Variants in RBFOX3 observed in about 807,000 individuals in gnomAD.
The protein encoded by RBFOX3 is RNA binding protein fox-1 homolog 3.
In RBFOX3, 17 loss-of-function variants were observed where a neutral mutation model predicts 48.7. The ratio of observed to expected loss-of-function variants is 0.35; its 90% CI spans 0.24 to 0.52. RBFOX3 has a LOEUF of 0.52. Among genes scored for constraint, RBFOX3 ranks in the 20% least tolerant of loss-of-function variants. RBFOX3 has a pLI of 0.94. For missense variants in RBFOX3, 382 were observed against 497.5 expected, an observed-to-expected ratio of 0.77 and a Z score of 2.21; for synonymous variants, 212 against 209.5, an observed-to-expected ratio of 1.01 and a Z score of -0.10.
At chr17:79,108,174 T>C (rs2703553) in intron 5 of RBFOX3, among the ~76,000 whole-genome samples, 2,415 of 152,328 alleles carry the variant, frequency 0.016, 33 homozygotes, top group Middle Eastern at 0.027. Flanking sequence ...GCCATGTGGC[T>C]TCTGGGACAG....
intron 1 of RBFOX3, among the ~76,000 whole-genome samples, chr17:79,501,273 G>A (rs1221565746): frequency 2.0e-5 from 3 of 152,340 alleles, no homozygotes; most frequent in Admixed American, 6.5e-5. Flanking sequence ...AGACAGACAG[G>A]CCCATTCACT....
At chr17:79,152,301 C>T (rs1053659907) in intron 4 of RBFOX3, among the ~76,000 whole-genome samples, 8 of 152,178 alleles carry the variant, frequency 5.3e-5, no homozygotes, top group South Asian at 2.1e-4. Context: ...CCAGCCCATC[C>T]TCAGTGAAGC....
chr17:79,273,613 G>C (rs1428530165), intron 3 of RBFOX3, among the ~76,000 whole-genome samples: 1 of 152,098 alleles, frequency 6.6e-6, no homozygotes, highest in African/African-American at 2.4e-5. Flanking sequence ...CTAGTCCTGG[G>C]GGGCAGCGTG....
Position 79,356,348 on chromosome 17 carries a change from GTTTTTTT to G in RBFOX3, c.-174-48531_-174-48525del, listed in dbSNP as rs58040659. ...ACTTTTTCACTTTTAAAACAGGGAA[GTTTTTTT>G]TTTTTTTTTTTTTTTTTTTTTTTTT... On this transcript the variant is annotated intron_variant, in intron 2 of 14. Coordinates refer to ENST00000693108, the MANE Select transcript of RBFOX3 (RefSeq NM_001350451.2). Among the ~76,000 whole-genome samples the G allele has an allele frequency of 8.8e-3, 414 of 47,306 alleles. 50 individuals carry two copies. Among genetic ancestry groups the G allele is most frequent in the African/African-American group, 0.031 (383 of 12,492 alleles). 31.0% of individuals were successfully genotyped at this position (47,306 alleles called of 152,430 possible). A position where few individuals can be genotyped will look rare whatever the true frequency, so the allele number is the denominator to read the frequency against.
At chr17:79,114,821 T>TG (rs1197778617) in intron 5 of RBFOX3, among the ~76,000 whole-genome samples, 2 of 149,266 alleles carry the variant, frequency 1.3e-5, no homozygotes, top group Non-Finnish European at 1.5e-5. Flanking sequence ...GCTGGGGCTC[T>TG]GGGGGGTGGG....
At chr17:79,526,849 T>C (rs1028391326) in intron 1 of RBFOX3, among the ~76,000 whole-genome samples, 36 of 152,198 alleles carry the variant, frequency 2.4e-4, no homozygotes, top group Non-Finnish European at 4.0e-4. Flanking sequence ...ACTGAGTGTA[T>C]GAGAGGGTTT....
the RBFOX3 span, among the ~76,000 whole-genome samples, chr17:79,634,212 C>G: frequency 6.6e-6 from 1 of 152,200 alleles, no homozygotes; most frequent in African/African-American, 2.4e-5. Flanking sequence ...GTGAAGGAGA[C>G]AGGTAAGAAC....
chr17:79,514,968 C>T (rs2149913051), intron 1 of RBFOX3, among the ~76,000 whole-genome samples: 1 of 152,296 alleles, frequency 6.6e-6, no homozygotes, highest in South Asian at 2.1e-4. Flanking sequence ...TTCCTAATCC[C>T]CACTTCCCTA....
At chr17:79,547,534 C>T (rs539344536) in intron 1 of RBFOX3, among the ~76,000 whole-genome samples, 3 of 152,280 alleles carry the variant, frequency 2.0e-5, no homozygotes, top group Admixed American at 6.5e-5. Context: ...GGAGCCAAAT[C>T]CCCAGACAAG....
intron 1 of RBFOX3, among the ~76,000 whole-genome samples, chr17:79,550,995 T>TAGCC (rs1341901896): frequency 2.0e-5 from 3 of 152,260 alleles, no homozygotes; most frequent in African/African-American, 7.2e-5. Flanking sequence ...TCCAGTGTGG[T>TAGCC]AGCCGCTAGC....
At chr17:79,336,467 C>A (rs539828070) in intron 2 of RBFOX3, among the ~76,000 whole-genome samples, 2 of 152,008 alleles carry the variant, frequency 1.3e-5, no homozygotes, top group Admixed American at 6.6e-5. Context: ...GTGGGGCAAC[C>A]GAGCTTCTGA....
chr17:79,286,873 T>C (rs560614231), intron 3 of RBFOX3, among the ~76,000 whole-genome samples: 69 of 152,288 alleles, frequency 4.5e-4, no homozygotes, highest in Non-Finnish European at 8.7e-4. Flanking sequence ...CCTCAGACAC[T>C]GTCAGAAGCC....
chr17:79,453,137 A>G (rs1467547039), intron 2 of RBFOX3, among the ~76,000 whole-genome samples: 1 of 152,226 alleles, frequency 6.6e-6, no homozygotes, highest in Admixed American at 6.5e-5. Flanking sequence ...TCCTTTCTGT[A>G]AACCCGGGAT....
At chr17:79,096,549 G>C in intron 12 of RBFOX3, 104 bp downstream of exon 12, 1 of 1,020,134 alleles carries the variant, frequency 9.8e-7, no homozygotes, top group South Asian at 1.5e-5. Flanking sequence ...GGGTGGGATG[G>C]GATGGGATGG....
At chr17:79,153,531 G>C (rs1383260479) in intron 4 of RBFOX3, among the ~76,000 whole-genome samples, 1 of 152,142 alleles carries the variant, frequency 6.6e-6, no homozygotes, top group African/African-American at 2.4e-5. Flanking sequence ...ACCAGGGTGG[G>C]CCAGGCTTCC....
At chr17:79,574,484 A>G (rs2092791012) in intron 1 of RBFOX3, among the ~76,000 whole-genome samples, 1 of 152,228 alleles carries the variant, frequency 6.6e-6, no homozygotes, top group Non-Finnish European at 1.5e-5. Flanking sequence ...CACCCCCGCC[A>G]GCACCATGAC....
At chr17:79,660,623 A>G in the RBFOX3 span, among the ~76,000 whole-genome samples, 6 of 152,344 alleles carry the variant, frequency 3.9e-5, no homozygotes, top group East Asian at 1.2e-3. Flanking sequence ...CAGAATGGCA[A>G]TTATTAAAGT....
chr17:79,533,349 C>T (rs181834436), intron 1 of RBFOX3, among the ~76,000 whole-genome samples: 88 of 152,342 alleles, frequency 5.8e-4, no homozygotes, highest in South Asian at 3.3e-3. Context: ...CATTGGCTGG[C>T]GGCGGCAGAA....
intron 3 of RBFOX3, among the ~76,000 whole-genome samples, chr17:79,273,914 G>T (rs1413357829): frequency 1.3e-5 from 2 of 152,202 alleles, no homozygotes; most frequent in African/African-American, 2.4e-5. Flanking sequence ...AGCTGACCCA[G>T]GTCTCCCTGC....
Sources: allele counts gnomAD v4.1 joint callset (sites outside exome capture counted in the v4.1 genomes callset), GRCh38; gene constraint gnomAD v4.1.1; transcripts MANE v1.5; gene names NCBI Gene and HGNC (gene_info 2026-07-23, HGNC 2026-07-21).